Variants in OR1F1 observed in about 807,000 individuals in gnomAD.
The protein encoded by OR1F1 is olfactory receptor family 1 subfamily F member 1.
For missense variants in OR1F1, 493 were observed against 376.3 expected (o/e 1.31, Z -2.57); for synonymous variants, 184 against 156.7 (o/e 1.17, Z -1.30).
At chr16:3,198,293 C>G in the OR1F1 span, among the ~76,000 whole-genome samples, 1 of 152,084 alleles carries the variant, frequency 6.6e-6, no homozygotes, top group African/African-American at 2.4e-5. Flanking sequence ...AATCCGGAGG[C>G]TAGCAGGCAG....
At chr16:3,197,193 A>G in the OR1F1 span, among the ~76,000 whole-genome samples, 8 of 125,030 alleles carry the variant, frequency 6.4e-5, no homozygotes, top group African/African-American at 2.0e-4. Flanking sequence ...TTTTTTTTGT[A>G]TTTTTAGTAG....
upstream of OR1F1, among the ~76,000 whole-genome samples, chr16:3,199,931 G>A (rs1038194771): frequency 4.0e-5 from 6 of 151,836 alleles, no homozygotes; most frequent in East Asian, 9.7e-4. Context: ...CAGGAGAATC[G>A]CTTGAACCCA....
downstream of OR1F1, among the ~76,000 whole-genome samples, chr16:3,206,328 C>T (rs929250364): frequency 3.3e-5 from 5 of 152,088 alleles, no homozygotes; most frequent in Admixed American, 2.0e-4. Context: ...GAACATAGAC[C>T]CTTATCTGGA....
chr16:3,198,907 T>C, the OR1F1 span, among the ~76,000 whole-genome samples: 86 of 151,262 alleles, frequency 5.7e-4, 1 homozygote, highest in African/African-American at 2.0e-3. Context: ...CAGTGAGCTG[T>C]GTTCACTCCT....
At chr16:3,204,875 C>T (rs267604533) in exon 1 of OR1F1, 3 of 1,614,028 alleles carry the variant, frequency 1.9e-6, no homozygotes, top group African/African-American at 2.7e-5. Flanking sequence ...ATGATCACCC[C>T]ATTTCTTTGC....
At chr16:3,190,018 C>A in the OR1F1 span, among the ~76,000 whole-genome samples, 5 of 152,034 alleles carry the variant, frequency 3.3e-5, no homozygotes, top group East Asian at 7.7e-4. Flanking sequence ...AGAGACAAGT[C>A]CCTATATACA....
chr16:3,192,888 T>A, the OR1F1 span, among the ~76,000 whole-genome samples: 1 of 152,118 alleles, frequency 6.6e-6, no homozygotes, highest in Non-Finnish European at 1.5e-5. Flanking sequence ...GTCTGCAATC[T>A]TCCTCCCGGG....
At chr16:3,201,891 C>T (rs374580690), upstream of OR1F1, among the ~76,000 whole-genome samples, 81 of 152,268 alleles carry the variant, frequency 5.3e-4, 2 homozygotes, top group South Asian at 0.017. Context: ...GCATAAACTG[C>T]ACCTTATTCT....
chr16:3,205,251 G>A (rs964185492), downstream of OR1F1: 5 of 1,138,572 alleles, frequency 4.4e-6, no homozygotes, highest in African/African-American at 1.6e-5. Flanking sequence ...GTTTAATGCA[G>A]TAGTTGTTTC....
chr16:3,195,110 C>A, the OR1F1 span, among the ~76,000 whole-genome samples: 1 of 152,320 alleles, frequency 6.6e-6, no homozygotes, highest in East Asian at 1.9e-4. Context: ...GCATCCCGGC[C>A]CAGGAGGGTG....
chr16:3,192,129 T>G, the OR1F1 span, among the ~76,000 whole-genome samples: 3 of 152,268 alleles, frequency 2.0e-5, no homozygotes, highest in South Asian at 6.2e-4. Flanking sequence ...CTATCTCAAC[T>G]CGGTTGAAGC....
chr16:3,202,476 C>T (rs1201691474), upstream of OR1F1, among the ~76,000 whole-genome samples: 2 of 152,030 alleles, frequency 1.3e-5, no homozygotes, highest in Non-Finnish European at 2.9e-5. Context: ...AATGTCTTTG[C>T]TAATTCAGTG....
At chr16:3,194,343 C>T in the OR1F1 span, among the ~76,000 whole-genome samples, 2 of 152,142 alleles carry the variant, frequency 1.3e-5, no homozygotes, top group South Asian at 4.2e-4. Flanking sequence ...ACCTCTTTGG[C>T]CCACACGTTC....
At chr16:3,202,864 C>A (rs2141591151), upstream of OR1F1, among the ~76,000 whole-genome samples, 1 of 152,186 alleles carries the variant, frequency 6.6e-6, no homozygotes, top group South Asian at 2.1e-4. Flanking sequence ...ATGATGGGAG[C>A]TGGTGATTCA....
At chr16:3,196,851 T>G in the OR1F1 span, among the ~76,000 whole-genome samples, 1 of 151,462 alleles carries the variant, frequency 6.6e-6, no homozygotes, top group Non-Finnish European at 1.5e-5. Flanking sequence ...GCCACCACCA[T>G]GCCCAGCTAT....
the OR1F1 span, chr16:3,189,679 T>G: frequency 6.6e-6 from 1 of 151,598 alleles, no homozygotes; most frequent in African/African-American, 2.4e-5. Context: ...GTGCGAGAGG[T>G]CCCGGGTTCA....
chr16:3,188,254 A>G, the OR1F1 span: 1 of 151,858 alleles, frequency 6.6e-6, no homozygotes, highest in Non-Finnish European at 1.5e-5. Context: ...GCAGGGCCTC[A>G]GTGGAGACCT....
At chr16:3,199,281 C>T (rs572970696), upstream of OR1F1, among the ~76,000 whole-genome samples, 3 of 151,658 alleles carry the variant, frequency 2.0e-5, no homozygotes, top group South Asian at 6.2e-4. Flanking sequence ...CCAGCCTAGG[C>T]AACAGAGGGA....
exon 1 of OR1F1, chr16:3,205,180 G>A: frequency 6.2e-7 from 1 of 1,603,668 alleles, no homozygotes; most frequent in Non-Finnish European, 8.5e-7. Context: ...GGTGTTTTCT[G>A]TCTGATGAAA....
Sources: gnomAD v4.1 joint callset for allele counts (sites outside exome capture counted in the v4.1 genomes callset) on GRCh38, gnomAD v4.1.1 for gene constraint, MANE v1.5 for transcripts, NCBI Gene and HGNC (gene_info 2026-07-23, HGNC 2026-07-21) for gene names.